Variants in HS6ST1 observed in about 807,000 individuals in gnomAD.
The protein encoded by HS6ST1 is heparan sulfate 6-O-sulfotransferase 1.
HS6ST1 carries 3 observed loss-of-function variants against 25.2 expected under a neutral mutation model. The ratio of observed to expected loss-of-function variants is 0.12; its 90% confidence interval spans 0.05 to 0.31. HS6ST1 has a LOEUF of 0.31. Among genes scored for constraint, HS6ST1 ranks in the 10% least tolerant of loss-of-function variants. HS6ST1 has a pLI of 1.00. For synonymous variants in HS6ST1, 204 were observed against 275.1 expected, an observed-to-expected ratio of 0.74 and a Z score of 2.56; for missense variants, 310 against 609.6, an observed-to-expected ratio of 0.51 and a Z score of 5.18.
Position 128,265,978 on chromosome 2 carries a change from G to T in HS6ST1, c.*2184C>A, listed in dbSNP as rs879908048. Reference sequence around the variant, plus strand: ...GCTGCCGCCGCCTCTGGACACCTCAGCCCGGCGCTGGCCCGAGAGGAGACT... The same window carrying T: ...GCTGCCGCCGCCTCTGGACACCTCATCCCGGCGCTGGCCCGAGAGGAGACT... On this transcript the variant is annotated 3_prime_UTR_variant, in exon 2 of 2. Coordinates refer to ENST00000259241, the MANE Select transcript of HS6ST1 (RefSeq NM_004807.3). 1.8e-4 allele frequency: 27 copies of T among 151,820 alleles called. No homozygotes were observed. Among genetic ancestry groups the T allele is most frequent in the Non-Finnish European group, 2.9e-4 (20 of 67,892 alleles). 9.4% of individuals were successfully genotyped at this position (151,820 alleles called of 1,614,324 possible).
At chr2:128,295,817 C>T (rs1694032919) in intron 1 of HS6ST1, among the ~76,000 whole-genome samples, 1 of 152,136 alleles carries the variant, frequency 6.6e-6, no homozygotes, top group African/African-American at 2.4e-5. Context: ...ATTCAATGCA[C>T]CTGCATAATA....
At chr2:128,313,668 C>T (rs1360081325) in intron 1 of HS6ST1, among the ~76,000 whole-genome samples, 1 of 152,178 alleles carries the variant, frequency 6.6e-6, no homozygotes, top group Non-Finnish European at 1.5e-5. Flanking sequence ...GGCCACTCCC[C>T]CGTGTGGCAG....
At chr2:128,284,063 C>T (rs774220939) in intron 1 of HS6ST1, among the ~76,000 whole-genome samples, 1 of 152,198 alleles carries the variant, frequency 6.6e-6, no homozygotes, top group Non-Finnish European at 1.5e-5. Flanking sequence ...GGCAGCCCCC[C>T]ACCCTCACCC....
intron 1 of HS6ST1, among the ~76,000 whole-genome samples, chr2:128,272,292 G>A (rs914069411): frequency 6.6e-6 from 1 of 152,222 alleles, no homozygotes; most frequent in African/African-American, 2.4e-5. Context: ...CATGGGCCAT[G>A]CCCTTCACTG....
At chr2:128,294,097 C>G (rs1022905765) in intron 1 of HS6ST1, among the ~76,000 whole-genome samples, 1 of 152,178 alleles carries the variant, frequency 6.6e-6, no homozygotes, top group African/African-American at 2.4e-5. Flanking sequence ...GGCCCAGACC[C>G]TCTGCTGGAA....
intron 1 of HS6ST1, among the ~76,000 whole-genome samples, chr2:128,299,790 C>T (rs1161108070): frequency 6.6e-6 from 1 of 152,220 alleles, no homozygotes; most frequent in African/African-American, 2.4e-5. Flanking sequence ...AACCCCTCCC[C>T]CATCCCGGCC....
chr2:128,266,539 C>G lies in HS6ST1; in HGVS notation c.*1623G>C, dbSNP rs1025482518. 6.6e-5 allele frequency: 10 copies of G among 152,364 alleles called. 1 individual carries two copies. Among genetic ancestry groups the G allele is most frequent in the African/African-American group, 2.4e-4 (10 of 41,462 alleles). The allele number at this position is 152,364 out of a possible 1,614,324, so 9.4% of individuals were successfully genotyped here. A position where few individuals can be genotyped will look rare whatever the true frequency, so the allele number is the denominator to read the frequency against. On this transcript the variant is annotated 3_prime_UTR_variant, in exon 2 of 2. Coordinates refer to ENST00000259241, the MANE Select transcript of HS6ST1 (RefSeq NM_004807.3). ...CCAGGGGTAGCGACCTCACCTGACC[C>G]CAGCTTCGGCTTCCTGTGCTGCAGA...
chr2:128,284,316 G>T (rs1037179062), intron 1 of HS6ST1, among the ~76,000 whole-genome samples: 1 of 152,006 alleles, frequency 6.6e-6, no homozygotes, highest in Non-Finnish European at 1.5e-5. Flanking sequence ...CCACCCTAGG[G>T]GCCTTCTCTT....
At chr2:128,315,095 C>T (rs1196568598) in intron 1 of HS6ST1, among the ~76,000 whole-genome samples, 4 of 152,212 alleles carry the variant, frequency 2.6e-5, no homozygotes, top group South Asian at 4.1e-4. Context: ...AGCCAGCAAA[C>T]GTCCTTCCAG....
Position 128,266,865 on chromosome 2 carries a change from G to C in HS6ST1, c.*1297C>G, listed in dbSNP as rs3851895. The C allele has an allele frequency of 6.6e-6, 1 of 151,598 alleles. No individual in the cohort carries two copies. Among genetic ancestry groups the C allele is most frequent in the Non-Finnish European group, 1.5e-5 (1 of 67,976 alleles). 9.4% of individuals were successfully genotyped at this position (151,598 alleles called of 1,614,324 possible). ...ACAACGGATATGCAACATGGCTTTT[G>C]GTAGGGCCATTGCAGCCAGTGGGGA... On this transcript the variant is annotated 3_prime_UTR_variant, in exon 2 of 2. Transcript: ENST00000259241.
chr2:128,269,908 G>C (rs1201636380), intron 1 of HS6ST1, among the ~76,000 whole-genome samples: 1 of 152,210 alleles, frequency 6.6e-6, no homozygotes, highest in South Asian at 2.1e-4. Flanking sequence ...GGGTGGGGGT[G>C]GGGGGCATGG....
At chr2:128,287,367 C>T (rs543396771) in intron 1 of HS6ST1, among the ~76,000 whole-genome samples, 2 of 152,210 alleles carry the variant, frequency 1.3e-5, no homozygotes, top group Admixed American at 6.5e-5. Context: ...AGCTGCCCCC[C>T]CTACTCAGTG....
At chr2:128,285,517 G>T (rs902096043) in intron 1 of HS6ST1, among the ~76,000 whole-genome samples, 1 of 152,240 alleles carries the variant, frequency 6.6e-6, no homozygotes, top group Non-Finnish European at 1.5e-5. Context: ...TGCCGCTACG[G>T]CCCAGCTCTG....
intron 1 of HS6ST1, among the ~76,000 whole-genome samples, chr2:128,274,534 A>G (rs1693660824): frequency 6.6e-6 from 1 of 151,534 alleles, no homozygotes; most frequent in Non-Finnish European, 1.5e-5. Context: ...TAGGCATCTC[A>G]TTTAGCAAAA....
intron 1 of HS6ST1, among the ~76,000 whole-genome samples, chr2:128,273,791 G>A (rs974058297): frequency 6.6e-6 from 1 of 152,262 alleles, no homozygotes; most frequent in South Asian, 2.1e-4. Flanking sequence ...CAAAAGGCGG[G>A]GTGGAGGTGT....
intron 1 of HS6ST1, among the ~76,000 whole-genome samples, chr2:128,312,667 T>C (rs928614265): frequency 3.3e-5 from 5 of 152,094 alleles, no homozygotes. Flanking sequence ...GTGCCCTACA[T>C]AGATGGGCCA....
At position 128,268,280 on chromosome 2, in the gene HS6ST1, C is replaced by G. The variant is rs1010716478; in HGVS notation, c.1118G>C (p.Arg373Thr). ...RQLERREQRL[R>T]SREERLLHRA... The stretch of plus-strand genomic sequence containing the variant: ...GTGCAGCAGACGCTCCTCGCGGCTC[C>G]TCAGGCGCTGCTCCCTGCGCTCCAG... The change falls in exon 2 of 2, where the codon AGG becomes ACG. Residue 373 changes from arginine (R) to threonine (T), a missense_variant. This residue lies in a region of HS6ST1 where 140 missense variants were observed against 176.5 expected (regional missense o/e 0.79). Transcript: ENST00000259241. 1.2e-6 allele frequency: 2 copies of G among 1,612,632 alleles called. No homozygotes were observed. The highest frequency in any genetic ancestry group is 1.1e-5 in the South Asian group (1 of 91,060).
intron 1 of HS6ST1, among the ~76,000 whole-genome samples, chr2:128,275,873 G>C (rs965794499): frequency 4.6e-5 from 7 of 152,216 alleles, no homozygotes; most frequent in Admixed American, 3.9e-4. Context: ...CACACCAGGA[G>C]GTGTTGGGGA....
Position 128,266,782 on chromosome 2 carries a change from AC to A in HS6ST1, c.*1379del, listed in dbSNP as rs1460406687. On this transcript the variant is annotated 3_prime_UTR_variant, in exon 2 of 2. Coordinates refer to ENST00000259241, the MANE Select transcript of HS6ST1 (RefSeq NM_004807.3). Reference sequence around the variant, plus strand: ...GGTGCCTGTGTGGGCCCTCCTAGAGACACCAGCTTGGCCTCCTAGGGCATAA... The same window carrying A: ...GGTGCCTGTGTGGGCCCTCCTAGAGAACCAGCTTGGCCTCCTAGGGCATAA... 1 of 152,222 alleles carries A rather than the reference AC, an allele frequency of 6.6e-6. No individual in the cohort carries two copies. The highest frequency in any genetic ancestry group is 6.5e-5 in the Admixed American group (1 of 15,286). 9.4% of individuals were successfully genotyped at this position (152,222 alleles called of 1,614,324 possible).
Sources: allele counts gnomAD v4.1 joint callset (sites outside exome capture counted in the v4.1 genomes callset), GRCh38; gene constraint gnomAD v4.1.1; regional missense constraint gnomAD v4.1.1; transcripts MANE v1.5; gene names NCBI Gene and HGNC (gene_info 2026-07-23, HGNC 2026-07-21).